Variants in ZNF420 observed in about 807,000 individuals in gnomAD.
ZNF420 encodes ATM and p53-associated KZNF protein.
ZNF420 carries 31 observed loss-of-function variants against 44.7 expected under a neutral mutation model. That is an observed-to-expected ratio of 0.69 (90% confidence interval 0.52 to 0.94). ZNF420 has a LOEUF of 0.94. Among genes scored for constraint, ZNF420 ranks in the 40% least tolerant of loss-of-function variants. The pLI is 0.00. For synonymous variants in ZNF420, 245 were observed against 267.4 expected (o/e 0.92, Z 0.82); for missense variants, 681 against 827.9 (o/e 0.82, Z 2.18).
chr19:37,105,479 C>T (rs1033427208), intron 4 of ZNF420, among the ~76,000 whole-genome samples: 18 of 112,918 alleles, frequency 1.6e-4, no homozygotes, highest in Admixed American at 4.1e-4. Context: ...CTTGGCAATG[C>T]GGGTTCTTTT....
chr19:37,088,929 T>A, intron 2 of ZNF420, 110 bp from the exon 3 acceptor site: 1 of 607,040 alleles, frequency 1.6e-6, no homozygotes. Context: ...TTAGTGTGTG[T>A]TTTGGGGGTG....
chr19:37,033,699 G>C (rs1568424917), intron 1 of ZNF420, among the ~76,000 whole-genome samples: 1 of 152,056 alleles, frequency 6.6e-6, no homozygotes, highest in Non-Finnish European at 1.5e-5. Flanking sequence ...CAATTCTTAT[G>C]GGTTTAAACC....
intron 2 of ZNF420, among the ~76,000 whole-genome samples, chr19:37,081,505 ATT>A (rs34091203): frequency 2.2e-5 from 3 of 135,354 alleles, no homozygotes; most frequent in East Asian, 2.1e-4. Context: ...TGCTTCATGT[ATT>A]TTTTTTTTTT....
intron 4 of ZNF420, among the ~76,000 whole-genome samples, chr19:37,122,805 C>T (rs563160234): frequency 8.0e-4 from 122 of 152,172 alleles, no homozygotes; most frequent in Non-Finnish European, 1.2e-3. Flanking sequence ...TATAAAGGTA[C>T]GCCCTGGGTG....
chr19:37,036,209 A>T (rs1967352146), intron 1 of ZNF420, among the ~76,000 whole-genome samples: 1 of 152,210 alleles, frequency 6.6e-6, no homozygotes, highest in African/African-American at 2.4e-5. Flanking sequence ...CTTACCATGT[A>T]TTTCAAAATG....
chr19:37,025,409 G>A (rs1376942137), intron 1 of ZNF420, among the ~76,000 whole-genome samples: 5 of 152,000 alleles, frequency 3.3e-5, no homozygotes, highest in African/African-American at 1.2e-4. Context: ...TCAAAGGTGA[G>A]CCTTGAAATT....
chr19:37,096,310 A>G (rs534947567), intron 4 of ZNF420, among the ~76,000 whole-genome samples: 5 of 151,976 alleles, frequency 3.3e-5, no homozygotes, highest in Middle Eastern at 3.4e-3. Flanking sequence ...GTGTCATACA[A>G]TCCCAATTTC....
intron 4 of ZNF420, among the ~76,000 whole-genome samples, chr19:37,115,878 T>C (rs900449022): frequency 6.6e-6 from 1 of 152,122 alleles, no homozygotes; most frequent in Admixed American, 6.5e-5. Context: ...CCACAGTGTA[T>C]TGTGTCCCTG....
At chr19:37,018,019 C>G (rs1164992116) in intron 1 of ZNF420, among the ~76,000 whole-genome samples, 1 of 151,964 alleles carries the variant, frequency 6.6e-6, no homozygotes, top group Non-Finnish European at 1.5e-5. Context: ...TACAATTACA[C>G]TGAAGAACAC....
chr19:37,068,814 G>C (rs1399391722), intron 1 of ZNF420, among the ~76,000 whole-genome samples: 1 of 152,118 alleles, frequency 6.6e-6, no homozygotes, highest in Non-Finnish European at 1.5e-5. Context: ...ATGAAAGCTA[G>C]TGTTGTGATA....
chr19:37,096,876 G>A (rs753541388), intron 4 of ZNF420, among the ~76,000 whole-genome samples: 4 of 150,558 alleles, frequency 2.7e-5, no homozygotes, highest in Non-Finnish European at 4.4e-5. Context: ...TATGTTCTCT[G>A]TAAAGTTTCA....
At chr19:37,035,043 C>A (rs1474735659) in intron 1 of ZNF420, among the ~76,000 whole-genome samples, 1 of 152,196 alleles carries the variant, frequency 6.6e-6, no homozygotes, top group Non-Finnish European at 1.5e-5. Context: ...TAATGGGAGA[C>A]CATTAGGCTG....
At chr19:37,047,773 G>A (rs1393037993) in intron 1 of ZNF420, among the ~76,000 whole-genome samples, 1 of 152,136 alleles carries the variant, frequency 6.6e-6, no homozygotes, top group African/African-American at 2.4e-5. Flanking sequence ...AGTTTCTGCA[G>A]CAACGTAAGT....
At chr19:37,071,861 G>A (rs568397755) in intron 1 of ZNF420, among the ~76,000 whole-genome samples, 1 of 152,080 alleles carries the variant, frequency 6.6e-6, no homozygotes, top group Non-Finnish European at 1.5e-5. Flanking sequence ...TTGCTGTATT[G>A]AGAATTAAAA....
At chr19:37,101,972 A>G (rs1048538079) in intron 4 of ZNF420, among the ~76,000 whole-genome samples, 3 of 152,212 alleles carry the variant, frequency 2.0e-5, no homozygotes, top group Non-Finnish European at 4.4e-5. Flanking sequence ...GTCTCTGCAC[A>G]GATGGGGTAG....
intron 2 of ZNF420, among the ~76,000 whole-genome samples, chr19:37,081,137 C>T (rs574818047): frequency 6.6e-6 from 1 of 151,682 alleles, no homozygotes; most frequent in East Asian, 1.9e-4. Context: ...TTCTAATTTG[C>T]CCCTTTGATT....
chr19:37,071,383 T>C (rs1361063604), intron 1 of ZNF420, among the ~76,000 whole-genome samples: 2 of 152,230 alleles, frequency 1.3e-5, no homozygotes, highest in East Asian at 3.8e-4. Flanking sequence ...TTGGAGTAAG[T>C]AGCTGAAACT....
At chr19:37,123,694 C>G (rs1305811204) in intron 4 of ZNF420, among the ~76,000 whole-genome samples, 3 of 149,320 alleles carry the variant, frequency 2.0e-5, no homozygotes, top group African/African-American at 7.5e-5. Flanking sequence ...ACCTCCACCT[C>G]CTGGTTCAAG....
Position 37,127,254 on chromosome 19 carries a change from A to G in ZNF420, c.263A>G (p.Asp88Gly). The G allele has an allele frequency of 6.2e-7, 1 of 1,613,664 alleles. No individual in the cohort carries two copies. Among genetic ancestry groups the G allele is most frequent in the Non-Finnish European group, 8.5e-7 (1 of 1,179,814 alleles). ...GATCTTGAAGAGTCCAATTCCAGGG[A>G]TTATTTGGAAGCCAAAGGCAAGATG... ...NCDLEESNSR[D>G]YLEAKGKMEK... The change falls in exon 5 of 5, where the codon GAT becomes GGT. Residue 88 changes from aspartate (D) to glycine (G), a missense_variant. Asp to Gly is a moderately conservative substitution (Grantham distance 94). Around this residue, in one of 3 missense-constraint regions of ZNF420, gnomAD observed 350 missense variants for 382.5 expected, o/e 0.92. Transcript: ENST00000337995.
Sources: gnomAD v4.1 joint callset for allele counts (sites outside exome capture counted in the v4.1 genomes callset) on GRCh38, gnomAD v4.1.1 for gene constraint, gnomAD v4.1.1 regional missense constraint, MANE v1.5 for transcripts, NCBI Gene and HGNC (gene_info 2026-07-23, HGNC 2026-07-21) for gene names.